The following CD2AP variants were observed in gnomAD, a reference collection of about 807,000 sequenced individuals.
The protein encoded by CD2AP is CD2 associated protein.
A neutral mutation model predicts 85.1 loss-of-function variants in CD2AP; 46 were observed. The observed-to-expected ratio is 0.54, with a 90% CI of 0.43 to 0.69. The LOEUF (loss-of-function observed/expected upper bound fraction) is 0.69, where lower values mean the gene tolerates loss of function less well. CD2AP is among the 30% of genes least tolerant of loss of function. The pLI, the probability that CD2AP is intolerant of heterozygous loss-of-function variation, is 0.00. For synonymous variants in CD2AP, 255 were observed against 252.9 expected, an observed-to-expected ratio of 1.01 and a Z score of -0.08; for missense variants, 769 against 729.5, an observed-to-expected ratio of 1.05 and a Z score of -0.62.
intron 17 of CD2AP, among the ~76,000 whole-genome samples, chr6:47,619,201 G>A (rs577015380): frequency 2.0e-5 from 3 of 152,220 alleles, no homozygotes; most frequent in East Asian, 1.9e-4. Context: ...CACCACGTTC[G>A]TAGTCTTTCA....
chr6:47,597,088 G>C (rs1768971895), intron 12 of CD2AP, among the ~76,000 whole-genome samples: 1 of 140,444 alleles, frequency 7.1e-6, no homozygotes, highest in Non-Finnish European at 1.7e-5. Flanking sequence ...AAATTCCCAG[G>C]GTGCTAAGCA....
chr6:47,530,755 A>G (rs1376297657), intron 2 of CD2AP, among the ~76,000 whole-genome samples: 1 of 152,194 alleles, frequency 6.6e-6, no homozygotes, highest in Non-Finnish European at 1.5e-5. Flanking sequence ...ATAAGTGTTT[A>G]TGAAAATGCT....
At chr6:47,487,212 T>A (rs749620105) in intron 1 of CD2AP, among the ~76,000 whole-genome samples, 1 of 152,164 alleles carries the variant, frequency 6.6e-6, no homozygotes, top group Non-Finnish European at 1.5e-5. Flanking sequence ...TCAAAACAAT[T>A]TTTTTAATGA....
At chr6:47,553,400 G>C (rs1484127529) in intron 4 of CD2AP, among the ~76,000 whole-genome samples, 2 of 150,502 alleles carry the variant, frequency 1.3e-5, no homozygotes, top group Non-Finnish European at 3.0e-5. Context: ...AGGATGGAGA[G>C]CAGTGGCGCC....
intron 11 of CD2AP, among the ~76,000 whole-genome samples, chr6:47,585,794 C>T (rs941728858): frequency 6.6e-6 from 1 of 152,176 alleles, no homozygotes; most frequent in Admixed American, 6.5e-5. Flanking sequence ...CTCTTTGTAA[C>T]TCACAAACAG....
intron 2 of CD2AP, among the ~76,000 whole-genome samples, chr6:47,525,964 T>G (rs991651932): frequency 9.9e-5 from 15 of 152,132 alleles, no homozygotes; most frequent in African/African-American, 3.4e-4. Context: ...TGAGGACTCT[T>G]TTTTACTACA....
In CD2AP at chr6:47,609,184, C is replaced by G; in HGVS notation, c.1694C>G (p.Thr565Ser). ...AAAGCAAATACAACTGCTTTCCTGA[C>G]TCCATTAGAAATCAAAGCTAAAGTG... is the stretch of plus-strand genomic sequence containing the variant. Reference protein sequence around the residue: ...ASKANTTAFLTPLEIKAKVET... With the variant: ...ASKANTTAFLSPLEIKAKVET... The change falls in exon 16 of 18, where the codon ACT (threonine) becomes AGT (serine). Residue 565 changes from threonine (T) to serine (S), a missense_variant. Thr to Ser is a moderately conservative substitution (Grantham distance 58). Coordinates refer to ENST00000359314, the MANE Select transcript of CD2AP (RefSeq NM_012120.3). The G allele has an allele frequency of 1.2e-6, 2 of 1,613,242 alleles. No individual in the cohort carries two copies. The highest frequency in any genetic ancestry group is 1.7e-6 in the Non-Finnish European group (2 of 1,179,498).
intron 5 of CD2AP, among the ~76,000 whole-genome samples, chr6:47,560,327 T>G (rs1207995705): frequency 6.6e-6 from 1 of 152,188 alleles, no homozygotes; most frequent in African/African-American, 2.4e-5. Flanking sequence ...CATTTAATAT[T>G]GATAATATTG....
At position 47,604,764 on chromosome 6, in the gene CD2AP, TTTA is replaced by T. The variant is rs1316911169; in HGVS notation, c.1418-1393_1418-1391del. 2.0e-5 allele frequency among the ~76,000 whole-genome samples: 3 copies of T among 152,184 alleles called. No individual in the cohort carries two copies. The East Asian group carries it at 5.8e-4, about 29-fold the overall frequency. ...TTATATAATGCATTTTTCATTGTCA[TTTA>T]TTATTATGGTTTGTTATATTTCATG... On this transcript the variant is annotated intron_variant, in intron 13 of 17. Transcript: ENST00000359314.
intron 2 of CD2AP, among the ~76,000 whole-genome samples, chr6:47,518,199 A>T (rs1385418314): frequency 1.3e-5 from 2 of 152,204 alleles, no homozygotes; most frequent in African/African-American, 2.4e-5. Context: ...ATATGAATTT[A>T]AAAAATCAGA....
At chr6:47,567,236 T>A (rs1419694784) in intron 5 of CD2AP, among the ~76,000 whole-genome samples, 1 of 152,190 alleles carries the variant, frequency 6.6e-6, no homozygotes, top group Non-Finnish European at 1.5e-5. Context: ...TACGTTCAGC[T>A]CTTTGAGGGT....
intron 12 of CD2AP, among the ~76,000 whole-genome samples, chr6:47,597,967 G>A (rs777932991): frequency 2.0e-5 from 3 of 150,914 alleles, no homozygotes; most frequent in Non-Finnish European, 4.5e-5. Context: ...TGCAGCAGTA[G>A]TCAAGGAATG....
chr6:47,528,647 A>G (rs369931382), intron 2 of CD2AP, among the ~76,000 whole-genome samples: 52 of 152,360 alleles, frequency 3.4e-4, no homozygotes, highest in African/African-American at 1.1e-3. Context: ...ACAATAAAAC[A>G]TAATCCCTTC....
At chr6:47,579,348 A>AAAAAGG in intron 8 of CD2AP, 37 bp from the exon 9 acceptor site, 1 of 1,167,088 alleles carries the variant, frequency 8.6e-7, no homozygotes, top group Admixed American at 1.7e-5. Context: ...AAAAAAAAAA[A>AAAAAGG]GGTCTATTGT....
intron 2 of CD2AP, among the ~76,000 whole-genome samples, chr6:47,512,398 G>A (rs1284843897): frequency 6.6e-6 from 1 of 152,166 alleles, no homozygotes; most frequent in African/African-American, 2.4e-5. Context: ...AATATGGAGT[G>A]TGGATGGTGG....
chr6:47,576,564 T>G lies in CD2AP; in HGVS notation c.770T>G (p.Val257Gly). ...TCACTGGGACCCAAAACTCAGAGTGTGGAGATAACAAAAACAGATACCGAA... is the reference window on the plus strand; with the variant it reads ...TCACTGGGACCCAAAACTCAGAGTGGGGAGATAACAAAAACAGATACCGAA... ...LQSLGPKTQS[V>G]EITKTDTEGK... Residue 257 changes from valine to glycine, a missense_variant, in exon 7 of 18, where the codon GTG (valine) becomes GGG (glycine). Physicochemically the swap from Val to Gly is moderately radical, Grantham distance 109. Coordinates refer to ENST00000359314, the MANE Select transcript of CD2AP (RefSeq NM_012120.3). 6.2e-7 allele frequency: 1 copy of G among 1,612,864 alleles called. No individual in the cohort carries two copies. The highest frequency in any genetic ancestry group is 1.1e-5 in the South Asian group (1 of 91,064).
At chr6:47,583,702 C>T (rs1323552605) in intron 11 of CD2AP, among the ~76,000 whole-genome samples, 1 of 152,152 alleles carries the variant, frequency 6.6e-6, no homozygotes, top group African/African-American at 2.4e-5. Flanking sequence ...TAAGTTTTGG[C>T]ACTTATAAGG....
intron 1 of CD2AP, among the ~76,000 whole-genome samples, chr6:47,498,048 G>A (rs1765911432): frequency 6.6e-6 from 1 of 151,978 alleles, no homozygotes; most frequent in African/African-American, 2.4e-5. Flanking sequence ...TGCAAATTTA[G>A]TACTTATTTT....
At chr6:47,504,898 G>A (rs1036598766) in intron 2 of CD2AP, among the ~76,000 whole-genome samples, 3 of 151,998 alleles carry the variant, frequency 2.0e-5, no homozygotes, top group African/African-American at 7.3e-5. Flanking sequence ...AATTGCTAAC[G>A]ATCATCTGAG....
Sources: allele counts gnomAD v4.1 joint callset (sites outside exome capture counted in the v4.1 genomes callset), GRCh38; gene constraint gnomAD v4.1.1; transcripts MANE v1.5; gene names NCBI Gene and HGNC (gene_info 2026-07-23, HGNC 2026-07-21).